The following DAGLB variants were observed in gnomAD, a reference collection of about 807,000 sequenced individuals.
DAGLB encodes diacylglycerol lipase-beta.
In DAGLB, 66 loss-of-function variants were observed where a neutral mutation model predicts 72.1. The observed-to-expected ratio is 0.92, with a 90% CI of 0.75 to 1.12. DAGLB has a LOEUF of 1.12. Ranked by LOEUF, DAGLB falls within the 50% of genes most tolerant of loss-of-function variation. The pLI, the probability that DAGLB is intolerant of heterozygous loss-of-function variation, is 0.00. For synonymous variants in DAGLB, 414 were observed against 359.5 expected, an observed-to-expected ratio of 1.15 and a Z score of -1.71; for missense variants, 1,065 against 884.9, an observed-to-expected ratio of 1.20 and a Z score of -2.58.
At chr7:6,411,135 G>A (rs1783714036) in intron 13 of DAGLB, among the ~76,000 whole-genome samples, 1 of 151,746 alleles carries the variant, frequency 6.6e-6, no homozygotes, top group African/African-American at 2.4e-5. Flanking sequence ...GCCTCCCAAA[G>A]TGCTGGGATT....
chr7:6,421,862 T>A (rs1358869480), intron 8 of DAGLB, 58 bp from the exon 9 acceptor site: 1 of 1,571,810 alleles, frequency 6.4e-7, no homozygotes, highest in Non-Finnish European at 8.7e-7. Flanking sequence ...GGTGGGAGAA[T>A]GACAGGTGGT....
chr7:6,429,587 T>C (rs1341909167), intron 6 of DAGLB, among the ~76,000 whole-genome samples: 2 of 151,080 alleles, frequency 1.3e-5, no homozygotes, highest in Non-Finnish European at 2.9e-5. Context: ...CATGGGGAAA[T>C]CCTGTCTCTA....
chr7:6,412,101 G>A (rs1171240315), intron 13 of DAGLB, among the ~76,000 whole-genome samples: 4 of 152,112 alleles, frequency 2.6e-5, no homozygotes, highest in Admixed American at 2.6e-4. Flanking sequence ...TTTTACTAGA[G>A]ACGGGGTTTT....
At chr7:6,436,299 G>T (rs776549480) in intron 3 of DAGLB, 63 bp downstream of exon 3, 17 of 1,544,902 alleles carry the variant, frequency 1.1e-5, no homozygotes, top group Admixed American at 2.2e-5. Flanking sequence ...TGTCATGTTA[G>T]AAGGGTTTGT....
intron 2 of DAGLB, among the ~76,000 whole-genome samples, chr7:6,441,709 G>A (rs747266221): frequency 6.6e-5 from 10 of 152,042 alleles, no homozygotes; most frequent in Non-Finnish European, 1.0e-4. Flanking sequence ...AAGCCACCGC[G>A]CCTGGCCTTC....
At chr7:6,443,341 T>C (rs1784897354) in intron 2 of DAGLB, among the ~76,000 whole-genome samples, 1 of 148,952 alleles carries the variant, frequency 6.7e-6, no homozygotes, top group African/African-American at 2.5e-5. Flanking sequence ...TAATCTCAGC[T>C]AGTTGGGAGG....
At chr7:6,445,814 G>T in intron 2 of DAGLB, 139 bp downstream of exon 2, 1 of 957,024 alleles carries the variant, frequency 1.0e-6, no homozygotes, top group Non-Finnish European at 1.5e-6. Context: ...CTTGATGATG[G>T]TGATGGCTGC....
intron 11 of DAGLB, 44 bp from the exon 12 acceptor site, chr7:6,413,078 C>G: frequency 6.3e-7 from 1 of 1,595,894 alleles, no homozygotes; most frequent in South Asian, 1.1e-5. Context: ...TACGATGACA[C>G]TGCCCACAAG....
intron 9 of DAGLB, among the ~76,000 whole-genome samples, chr7:6,421,215 G>A (rs112086111): frequency 7.9e-5 from 12 of 152,214 alleles, no homozygotes; most frequent in East Asian, 3.9e-4. Context: ...CAGTAGCCAC[G>A]CGACTTTGGG....
At chr7:6,413,834 G>A (rs1174084490) in intron 11 of DAGLB, among the ~76,000 whole-genome samples, 2 of 152,184 alleles carry the variant, frequency 1.3e-5, no homozygotes, top group African/African-American at 2.4e-5. Flanking sequence ...GTGCCACTGC[G>A]GGGTCATCTC....
chr7:6,426,458 T>TA (rs1044437345), intron 6 of DAGLB, among the ~76,000 whole-genome samples: 31 of 152,120 alleles, frequency 2.0e-4, no homozygotes, highest in Admixed American at 9.2e-4. Context: ...TCAGTACAGA[T>TA]AGAGTTTCGC....
rs369940779 is a variant in DAGLB, at chr7:6,410,247, C to T, written c.1703G>A (p.Arg568His). 28 of 1,612,978 alleles carry T rather than the reference C, an allele frequency of 1.7e-5. No individual in the cohort carries two copies. The Admixed American group carries it at 3.3e-4, about 19-fold the overall frequency. ...PLLGEQSLLTRWSPAYSFSSD... is the reference protein window; with the variant it reads ...PLLGEQSLLTHWSPAYSFSSD... ...GGAGAAGCTGTAGGCCGGGGACCAGCGCGTCAGTAGGCTCTGCTCCCCCAG... is the reference window on the plus strand; with the variant it reads ...GGAGAAGCTGTAGGCCGGGGACCAGTGCGTCAGTAGGCTCTGCTCCCCCAG... The change falls in exon 14 of 15, where the codon CGC becomes CAC. Residue 568 changes from arginine to histidine, a missense_variant. Coordinates refer to ENST00000297056, the MANE Select transcript of DAGLB (RefSeq NM_139179.4).
intron 6 of DAGLB, among the ~76,000 whole-genome samples, chr7:6,428,499 CTTTTT>C (rs1189685657): frequency 1.4e-4 from 19 of 135,010 alleles, no homozygotes; most frequent in Admixed American, 1.3e-3. Context: ...TTTTTTTTTT[CTTTTT>C]GAGACAGAAT....
chr7:6,433,433 G>A (rs1204010842), intron 4 of DAGLB, among the ~76,000 whole-genome samples: 1 of 152,136 alleles, frequency 6.6e-6, no homozygotes, highest in East Asian at 1.9e-4. Context: ...AGGACCCCAA[G>A]CTGGGAAAGC....
Position 6,434,978 on chromosome 7 carries a change from G to C in DAGLB, c.462C>G (p.Val154=). 2 of 1,614,048 alleles carry C rather than the reference G, an allele frequency of 1.2e-6. No homozygotes were observed. Among genetic ancestry groups the C allele is most frequent in the Non-Finnish European group, 1.7e-6 (2 of 1,180,024 alleles). The change falls in exon 4 of 15, where the codon GTC becomes GTG. Residue 154 remains valine (V), a synonymous_variant. Coordinates refer to ENST00000297056, the MANE Select transcript of DAGLB (RefSeq NM_139179.4). ...CCATTTTCCCCCCAAGAGGGTCAAA[G>C]ACAATGATAATGGAAACCACTGTGG... ...IAATVVSIII[V]FDPLGGKMAP...
rs570581666 is a variant in DAGLB, at chr7:6,412,977, A to T, written c.1485T>A (p.Asp495Glu). The T allele has an allele frequency of 6.2e-7, 1 of 1,613,958 alleles. No individual in the cohort carries two copies. Among genetic ancestry groups the T allele is most frequent in the Non-Finnish European group, 8.5e-7 (1 of 1,179,924 alleles). The change falls in exon 12 of 15, where the codon GAT becomes GAA. Residue 495 changes from aspartate (D) to glutamate (E), a missense_variant. By Grantham distance (45) the Asp-to-Glu change is conservative. Transcript: ENST00000297056. The part of the protein sequence containing the change: ...SFIVSLVLGK[D>E]VIPRLSVTNL... ...CCAGGTGGGCTTACCTGGGAATCAC[A>T]TCCTTCCCCAGGACGAGTGACACGA... is the stretch of plus-strand genomic sequence containing the variant.
chr7:6,436,894 C>T (rs1476412743), intron 2 of DAGLB, among the ~76,000 whole-genome samples: 1 of 152,006 alleles, frequency 6.6e-6, no homozygotes, highest in Non-Finnish European at 1.5e-5. Flanking sequence ...CACCTGTACT[C>T]CCAGCACTTT....
rs1784719449 is a variant in DAGLB at position 6,438,067 on chromosome 7, G to T, written c.248-1534C>A. The stretch of plus-strand genomic sequence containing the variant: ...TGTCCTTTGTAGGGACATGGATGAA[G>T]CTGGAAACCATCATTCTGAGCAAAC... On this transcript the variant is annotated intron_variant, in intron 2 of 14. Coordinates refer to ENST00000297056, the MANE Select transcript of DAGLB (RefSeq NM_139179.4). Among the ~76,000 whole-genome samples, 3 of 152,278 alleles carry T rather than the reference G, an allele frequency of 2.0e-5. No individual in the cohort carries two copies. In the South Asian group the frequency reaches 6.2e-4, roughly 32 times the overall value.
intron 9 of DAGLB, among the ~76,000 whole-genome samples, chr7:6,419,555 T>A (rs1482065959): frequency 6.6e-6 from 1 of 152,202 alleles, no homozygotes; most frequent in Non-Finnish European, 1.5e-5. Flanking sequence ...TCAGCGTGAT[T>A]TGGCACAAAT....
Sources: gnomAD v4.1 joint callset for allele counts (sites outside exome capture counted in the v4.1 genomes callset) on GRCh38, gnomAD v4.1.1 for gene constraint, MANE v1.5 for transcripts, NCBI Gene and HGNC (gene_info 2026-07-23, HGNC 2026-07-21) for gene names.